The following GLIS2 variants were observed in gnomAD, a reference collection of about 807,000 sequenced individuals.
GLIS2 encodes the protein zinc finger protein GLIS2.
GLIS2 carries 14 observed loss-of-function variants against 35.6 expected under a neutral mutation model. The observed-to-expected ratio is 0.39, with a 90% CI of 0.26 to 0.61. The LOEUF is 0.61. GLIS2 is among the 20% of genes least tolerant of loss of function. GLIS2 has a pLI of 0.48. For missense variants in GLIS2, 675 were observed against 713.4 expected, an observed-to-expected ratio of 0.95 and a Z score of 0.61; for synonymous variants, 368 against 325.1, an observed-to-expected ratio of 1.13 and a Z score of -1.42.
rs374664753 is a variant in GLIS2, at chr16:4,337,375, A to C, written c.1426A>C (p.Ser476Arg). 2 of 1,593,560 alleles carry C rather than the reference A, an allele frequency of 1.3e-6. No homozygotes were observed. Among genetic ancestry groups the C allele is most frequent in the Non-Finnish European group, 8.5e-7 (1 of 1,171,684 alleles). The part of the protein sequence containing the change: ...ERTESSCSRP[S>R]PDGLPLLPGT... ...GACGGAGAGCAGCTGCTCCCGGCCAAGCCCCGATGGACTCCCCCTGCTGCC... is the reference window on the plus strand; with the variant it reads ...GACGGAGAGCAGCTGCTCCCGGCCACGCCCCGATGGACTCCCCCTGCTGCC... The change falls in exon 7 of 7, where the codon AGC (serine) becomes CGC (arginine). Residue 476 changes from serine (S) to arginine (R), a missense_variant. Ser to Arg is a moderately radical substitution (Grantham distance 110). Around this residue, in one of 3 missense-constraint regions of GLIS2, gnomAD observed 317 missense variants for 283.2 expected, o/e 1.12. Coordinates refer to ENST00000433375, the MANE Select transcript of GLIS2 (RefSeq NM_032575.3).
chr16:4,334,598 C>T (rs1408321016), intron 3 of GLIS2, among the ~76,000 whole-genome samples: 1 of 151,622 alleles, frequency 6.6e-6, no homozygotes, highest in Non-Finnish European at 1.5e-5. Flanking sequence ...GGGTGTTGGG[C>T]CCACCCTAAT....
chr16:4,327,784 C>G (rs1345477201), intron 1 of GLIS2, among the ~76,000 whole-genome samples: 1 of 145,172 alleles, frequency 6.9e-6, no homozygotes, highest in Non-Finnish European at 1.5e-5. Flanking sequence ...CCGCGCGCTT[C>G]CTCCCTCGCC....
At chr16:4,316,974 CT>C (rs1322844041) in intron 1 of GLIS2, among the ~76,000 whole-genome samples, 1 of 152,190 alleles carries the variant, frequency 6.6e-6, no homozygotes, top group Non-Finnish European at 1.5e-5. Flanking sequence ...GCACGCACAG[CT>C]TCCCCGCTGG....
intron 1 of GLIS2, among the ~76,000 whole-genome samples, chr16:4,327,475 G>C (rs2053444923): frequency 6.6e-6 from 1 of 152,194 alleles, no homozygotes; most frequent in African/African-American, 2.4e-5. Flanking sequence ...GGGTCGCCCC[G>C]TGCCTTCCAG....
chr16:4,337,618 T>G lies in GLIS2; in HGVS notation c.*94T>G. ...CTTCTGTGAAATAGCAATAATGTCC[T>G]ACTGCCCGGGCAGCCCCAGCCCAGC... On this transcript the variant is annotated 3_prime_UTR_variant, in exon 7 of 7. Transcript: ENST00000433375. The G allele has an allele frequency of 1.3e-6, 2 of 1,508,320 alleles. No individual in the cohort carries two copies. The highest frequency in any genetic ancestry group is 1.8e-6 in the Non-Finnish European group (2 of 1,123,716). The allele number at this position is 1,508,320 out of a possible 1,614,324, so 93.4% of individuals were successfully genotyped here. A position where few individuals can be genotyped will look rare whatever the true frequency, so the allele number is the denominator to read the frequency against.
intron 1 of GLIS2, among the ~76,000 whole-genome samples, chr16:4,319,653 G>T (rs1238693664): frequency 1.3e-5 from 2 of 152,228 alleles, no homozygotes; most frequent in African/African-American, 4.8e-5. Context: ...CGTGGCTGGG[G>T]GCGGGGACTC....
rs1371307764 is a variant in GLIS2 at position 4,338,148 on chromosome 16, C to T, written c.*624C>T. ...CCCACTAGTTAGGAGGAGGCCCGCTCTGCAGCCGCCGTCCTCACCCCAGGC... is the reference window on the plus strand; with the variant it reads ...CCCACTAGTTAGGAGGAGGCCCGCTTTGCAGCCGCCGTCCTCACCCCAGGC... On this transcript the variant is annotated 3_prime_UTR_variant, in exon 7 of 7. Transcript: ENST00000433375. 6.3e-6 allele frequency: 1 copy of T among 159,032 alleles called. No homozygotes were observed. Among genetic ancestry groups the T allele is most frequent in the African/African-American group, 2.4e-5 (1 of 41,484 alleles). 9.9% of individuals were successfully genotyped at this position (159,032 alleles called of 1,614,324 possible).
chr16:4,330,757 G>A (rs2053489607), intron 1 of GLIS2, among the ~76,000 whole-genome samples: 1 of 152,268 alleles, frequency 6.6e-6, no homozygotes, highest in Non-Finnish European at 1.5e-5. Context: ...GTTCCCGGGA[G>A]ATCTGGCTTC....
At chr16:4,318,682 C>T (rs920186115) in intron 1 of GLIS2, among the ~76,000 whole-genome samples, 3 of 152,214 alleles carry the variant, frequency 2.0e-5, no homozygotes, top group South Asian at 4.1e-4. Flanking sequence ...ATTTCCAAGG[C>T]CCCCACTCTC....
At chr16:4,318,725 C>T (rs1289933358) in intron 1 of GLIS2, among the ~76,000 whole-genome samples, 4 of 152,248 alleles carry the variant, frequency 2.6e-5, no homozygotes, top group Non-Finnish European at 4.4e-5. Context: ...TGGCCTTGGC[C>T]CCGGGCGGTG....
At chr16:4,324,084 G>A (rs2141122992) in intron 1 of GLIS2, among the ~76,000 whole-genome samples, 1 of 152,314 alleles carries the variant, frequency 6.6e-6, no homozygotes, top group East Asian at 1.9e-4. Flanking sequence ...AGAGGGCAGA[G>A]GTCAGCCCTG....
chr16:4,334,342 A>G (rs2053527443), intron 3 of GLIS2, among the ~76,000 whole-genome samples: 2 of 151,284 alleles, frequency 1.3e-5, no homozygotes, highest in African/African-American at 4.9e-5. Context: ...GGTTCAAGCA[A>G]TTCTCCTGCC....
Position 4,336,906 on chromosome 16 carries a change from CTT to C in GLIS2, c.959_960del (p.Phe320CysfsTer60). Reference protein sequence around the residue: ...LRKHIKAHGHFVSHEQQELLQ... With the variant: ...LRKHIKAHGHXVSHEQQELLQ... Reference sequence around the variant, plus strand: ...GCAAGCACATCAAGGCCCATGGCCACTTTGTGTCCCACGAGCAGCAAGAGCTC... The same window carrying C: ...GCAAGCACATCAAGGCCCATGGCCACTGTGTCCCACGAGCAGCAAGAGCTC... On this transcript the variant is annotated frameshift_variant, in exon 7 of 7. Coordinates refer to ENST00000433375, the MANE Select transcript of GLIS2 (RefSeq NM_032575.3). LOFTEE classifies it high-confidence loss of function. 2 of 1,613,098 alleles carry C rather than the reference CTT, an allele frequency of 1.2e-6. No individual in the cohort carries two copies. The highest frequency in any genetic ancestry group is 1.7e-6 in the Non-Finnish European group (2 of 1,180,004).
Position 4,337,230 on chromosome 16 carries a change from C to G in GLIS2, c.1281C>G (p.Gly427=). 1 of 1,547,610 alleles carries G rather than the reference C, an allele frequency of 6.5e-7. No individual in the cohort carries two copies. The highest frequency in any genetic ancestry group is 8.7e-7 in the Non-Finnish European group (1 of 1,147,092). ...CGCCCTTTGGGGCTGGCGGACTGGG[C>G]TTGCCTGTGGTCTCCCTCCTTGCTG... ...LPSPFGAGGL[G]LPVVSLLAGA... The change falls in exon 7 of 7, where the codon GGC becomes GGG. Residue 427 remains glycine (G), a synonymous_variant. Coordinates refer to ENST00000433375, the MANE Select transcript of GLIS2 (RefSeq NM_032575.3).
At chr16:4,334,749 CG>C in intron 3 of GLIS2, 51 bp from the exon 4 acceptor site, 3 of 1,606,476 alleles carry the variant, frequency 1.9e-6, no homozygotes, top group East Asian at 4.5e-5. Flanking sequence ...ACCGATGGGA[CG>C]GGGGGCTCTG....
intron 1 of GLIS2, chr16:4,331,789 A>ATT: frequency 1.0e-5 from 2 of 193,910 alleles, no homozygotes; most frequent in South Asian, 9.4e-5. Context: ...AAAAAAGAAA[A>ATT]TTTTTTTTTT....
At position 4,335,753 on chromosome 16, in the gene GLIS2, A is replaced by G. The variant is rs2053544208; in HGVS notation, c.775+360A>G. On this transcript the variant is annotated intron_variant, in intron 6 of 6. Transcript: ENST00000433375. The surrounding 1 kb of genome is among the most constrained non-coding windows in gnomAD (Gnocchi z 4.6). ...GTCAGAGCCACAGACATAATTTTAC[A>G]TTTCCTAATCGCTGCATAAAACACA... 1 of 292,966 alleles carries G rather than the reference A, an allele frequency of 3.4e-6. No individual in the cohort carries two copies. Among genetic ancestry groups the G allele is most frequent in the East Asian group, 7.4e-5 (1 of 13,452 alleles). 18.1% of individuals were successfully genotyped at this position (292,966 alleles called of 1,614,324 possible). A position where few individuals can be genotyped will look rare whatever the true frequency, so the allele number is the denominator to read the frequency against.
chr16:4,316,833 C>A (rs2053318910), intron 1 of GLIS2, among the ~76,000 whole-genome samples: 2 of 152,144 alleles, frequency 1.3e-5, no homozygotes, highest in Non-Finnish European at 2.9e-5. Context: ...CTTGTTACTC[C>A]CCTGCGGTCC....
chr16:4,336,897 C>A lies in GLIS2; in HGVS notation c.948C>A (p.Ala316=). 1 of 1,613,222 alleles carries A rather than the reference C, an allele frequency of 6.2e-7. No individual in the cohort carries two copies. The highest frequency in any genetic ancestry group is 8.5e-7 in the Non-Finnish European group (1 of 1,180,018). Residue 316 remains alanine (A), a synonymous_variant, in exon 7 of 7, where the codon GCC becomes GCA. Coordinates refer to ENST00000433375, the MANE Select transcript of GLIS2 (RefSeq NM_032575.3). ...GCTCACTGCGCAAGCACATCAAGGCCCATGGCCACTTTGTGTCCCACGAGC... is the reference window on the plus strand; with the variant it reads ...GCTCACTGCGCAAGCACATCAAGGCACATGGCCACTTTGTGTCCCACGAGC... The part of the protein sequence containing the change: ...DPSSLRKHIK[A]HGHFVSHEQQ...
Sources: gnomAD v4.1 joint callset for allele counts (sites outside exome capture counted in the v4.1 genomes callset) on GRCh38, gnomAD v4.1.1 for gene constraint, gnomAD v4.1.1 regional missense constraint, Gnocchi (gnomAD v3.1) non-coding constraint, MANE v1.5 for transcripts, NCBI Gene and HGNC (gene_info 2026-07-23, HGNC 2026-07-21) for gene names.